The following PLCB1 variants were observed in gnomAD, a reference collection of about 807,000 sequenced individuals.
The protein encoded by PLCB1 is 1-phosphatidylinositol 4,5-bisphosphate phosphodiesterase beta-1.
PLCB1 carries 46 observed loss-of-function variants against 161.8 expected under a neutral mutation model. The observed-to-expected ratio is 0.28, with a 90% CI of 0.22 to 0.36. The LOEUF (loss-of-function observed/expected upper bound fraction) is 0.36. PLCB1 is among the 10% of genes least tolerant of loss of function. PLCB1 has a pLI of 1.00. For missense variants in PLCB1, 1,016 were observed against 1,472.5 expected (o/e 0.69, Z 5.07); for synonymous variants, 517 against 503.7 (o/e 1.03, Z -0.35).
At chr20:8,585,448 G>T (rs1302013795) in intron 3 of PLCB1, among the ~76,000 whole-genome samples, 7 of 152,204 alleles carry the variant, frequency 4.6e-5, no homozygotes, top group Admixed American at 4.6e-4. Context: ...GAAATGAGAA[G>T]ATGTTGGAAA....
At chr20:8,529,830 GC>G (rs1233074815) in intron 3 of PLCB1, among the ~76,000 whole-genome samples, 2 of 151,980 alleles carry the variant, frequency 1.3e-5, no homozygotes, top group Admixed American at 6.6e-5. Flanking sequence ...TCTTGTCATT[GC>G]CCCCAAGTGC....
intron 31 of PLCB1, among the ~76,000 whole-genome samples, chr20:8,818,532 T>A (rs1230246962): frequency 6.6e-6 from 1 of 152,240 alleles, no homozygotes; most frequent in Non-Finnish European, 1.5e-5. Context: ...CTATTCAGAA[T>A]AATCTACAGA....
At chr20:8,743,283 A>G (rs1038279998) in intron 23 of PLCB1, among the ~76,000 whole-genome samples, 5 of 152,172 alleles carry the variant, frequency 3.3e-5, no homozygotes, top group Non-Finnish European at 7.3e-5. Context: ...AATTTTATCA[A>G]ATGCTTTTTC....
At chr20:8,425,799 A>G (rs1010500314) in intron 3 of PLCB1, among the ~76,000 whole-genome samples, 1 of 152,232 alleles carries the variant, frequency 6.6e-6, no homozygotes, top group South Asian at 2.1e-4. Context: ...GTCCACGCTC[A>G]TTAAGGCTGT....
chr20:8,393,704 T>G (rs144195892), intron 3 of PLCB1, among the ~76,000 whole-genome samples: 1 of 152,314 alleles, frequency 6.6e-6, no homozygotes, highest in East Asian at 1.9e-4. Flanking sequence ...TTTTGATGTG[T>G]TGGACATGGG....
intron 3 of PLCB1, among the ~76,000 whole-genome samples, chr20:8,503,874 A>T (rs1983526547): frequency 6.6e-6 from 1 of 152,198 alleles, no homozygotes; most frequent in Non-Finnish European, 1.5e-5. Context: ...CGAATGTAAA[A>T]GTTTCATTCA....
intron 3 of PLCB1, among the ~76,000 whole-genome samples, chr20:8,485,665 A>G (rs1982688721): frequency 6.6e-6 from 1 of 152,242 alleles, no homozygotes; most frequent in African/African-American, 2.4e-5. Flanking sequence ...GGCATGAATG[A>G]GCACAGCAAA....
At chr20:8,743,922 G>T (rs756131556) in intron 23 of PLCB1, among the ~76,000 whole-genome samples, 1 of 151,940 alleles carries the variant, frequency 6.6e-6, no homozygotes, top group African/African-American at 2.4e-5. Context: ...TCCACCAAAG[G>T]TTCTCAAATT....
At chr20:8,855,377 A>G (rs6056208) in intron 31 of PLCB1, among the ~76,000 whole-genome samples, 7,557 of 152,212 alleles carry the variant, frequency 0.05, 317 homozygotes, top group African/African-American at 0.11. Context: ...CTTGAGATAA[A>G]CTTGAGAGAG....
intron 3 of PLCB1, among the ~76,000 whole-genome samples, chr20:8,491,667 T>G (rs922499010): frequency 2.0e-5 from 3 of 152,192 alleles, no homozygotes; most frequent in African/African-American, 7.2e-5. Context: ...TCAGAGTTAT[T>G]GCTCTCTGAA....
intron 2 of PLCB1, among the ~76,000 whole-genome samples, chr20:8,266,973 G>T (rs1354613665): frequency 6.6e-6 from 1 of 151,666 alleles, no homozygotes; most frequent in African/African-American, 2.4e-5. Flanking sequence ...GGAGGCGGAG[G>T]GTGCAATGAG....
chr20:8,591,554 C>T (rs1987150047), intron 3 of PLCB1, among the ~76,000 whole-genome samples: 1 of 152,144 alleles, frequency 6.6e-6, no homozygotes, highest in Non-Finnish European at 1.5e-5. Context: ...TCAGTGCTTG[C>T]CCAAGTAGAA....
intron 2 of PLCB1, among the ~76,000 whole-genome samples, chr20:8,234,736 G>A (rs536385981): frequency 2.0e-5 from 3 of 152,066 alleles, no homozygotes; most frequent in Non-Finnish European, 4.4e-5. Context: ...TTGATAAATT[G>A]TTTTAGAGTA....
At chr20:8,388,429 T>C (rs1349718889) in intron 3 of PLCB1, among the ~76,000 whole-genome samples, 2 of 152,226 alleles carry the variant, frequency 1.3e-5, no homozygotes, top group Non-Finnish European at 2.9e-5. Flanking sequence ...GATTATAAGC[T>C]GTTTCCCTGA....
intron 4 of PLCB1, among the ~76,000 whole-genome samples, chr20:8,644,037 T>C (rs1213740845): frequency 6.6e-6 from 1 of 152,232 alleles, no homozygotes; most frequent in African/African-American, 2.4e-5. Context: ...CCGCGAGTGA[T>C]CTGCCAGCCT....
intron 3 of PLCB1, among the ~76,000 whole-genome samples, chr20:8,378,198 C>T (rs760368075): frequency 2.1e-4 from 32 of 152,316 alleles, no homozygotes; most frequent in Non-Finnish European, 4.3e-4. Context: ...AATTTTGACA[C>T]ATGCTACAAC....
intron 3 of PLCB1, among the ~76,000 whole-genome samples, chr20:8,385,602 G>A (rs1484190094): frequency 6.6e-6 from 1 of 152,250 alleles, no homozygotes; most frequent in Non-Finnish European, 1.5e-5. Context: ...AGGCTGTTGA[G>A]AATCTGCACA....
intron 3 of PLCB1, among the ~76,000 whole-genome samples, chr20:8,537,567 G>C (rs1175355124): frequency 2.0e-5 from 3 of 152,042 alleles, no homozygotes; most frequent in African/African-American, 4.8e-5. Context: ...GGTGGGGTGT[G>C]CGGGGAGCCC....
chr20:8,364,142 G>T (rs1230753614), intron 2 of PLCB1, among the ~76,000 whole-genome samples: 2 of 152,048 alleles, frequency 1.3e-5, no homozygotes, highest in Non-Finnish European at 2.9e-5. Flanking sequence ...TTTTGGTTCG[G>T]TATCTTCCTG....
Sources: allele counts gnomAD v4.1 joint callset (sites outside exome capture counted in the v4.1 genomes callset), GRCh38; gene constraint gnomAD v4.1.1; transcripts MANE v1.5; gene names NCBI Gene and HGNC (gene_info 2026-07-23, HGNC 2026-07-21).